Variants in RYR2 observed in about 807,000 individuals in gnomAD.
RYR2 encodes the protein ryanodine receptor 2, also known as cardiac muscle ryanodine receptor-calcium release channel.
A neutral mutation model predicts 601.1 loss-of-function variants in RYR2; 227 were observed. The observed-to-expected ratio is 0.38, with a 90% CI of 0.34 to 0.42. The LOEUF (loss-of-function observed/expected upper bound fraction) is 0.42. Among genes scored for constraint, RYR2 ranks in the 10% least tolerant of loss-of-function variants. The pLI is 1.00. For synonymous variants in RYR2, 2,223 were observed against 2,175.1 expected, an observed-to-expected ratio of 1.02 and a Z score of -0.61; for missense variants, 4,646 against 6,156.5, an observed-to-expected ratio of 0.75 and a Z score of 8.21.
chr1:237,337,814 TGA>T (rs1417973248), intron 3 of RYR2, among the ~76,000 whole-genome samples: 4 of 152,182 alleles, frequency 2.6e-5, no homozygotes, highest in African/African-American at 7.2e-5. Context: ...TTCAATTACC[TGA>T]AGCCCCTAGC....
Position 237,441,366 on chromosome 1 carries a change from A to G in RYR2, c.1053A>G (p.Thr351=), listed in dbSNP as rs187565743. The part of the protein sequence containing the change: ...GVRKEVDGMG[T]SEIKYGDSVC... ...GAAAAGAAGTAGATGGCATGGGAACATCTGAAATAAAATACGGTGACTCAG... is the reference window on the plus strand; with the variant it reads ...GAAAAGAAGTAGATGGCATGGGAACGTCTGAAATAAAATACGGTGACTCAG... Residue 351 remains threonine (T), a synonymous_variant, in exon 13 of 105, where the codon ACA becomes ACG. Coordinates refer to ENST00000366574, the MANE Select transcript of RYR2 (RefSeq NM_001035.3). 898 of 1,613,836 alleles carry G rather than the reference A, an allele frequency of 5.6e-4. 6 individuals are homozygous for G. The East Asian group carries it at 0.019, about 33-fold the overall frequency.
intron 27 of RYR2, chr1:237,555,271 T>A (rs979217968): frequency 9.9e-5 from 15 of 152,154 alleles, no homozygotes; most frequent in Non-Finnish European, 2.1e-4. Flanking sequence ...TTTCAAATAT[T>A]TGATTCAACT....
At position 237,610,151 on chromosome 1, in the gene RYR2, C is replaced by T. The variant is rs575858662; in HGVS notation, c.4684-611C>T. Among the ~76,000 whole-genome samples, 2 of 152,322 alleles carry T rather than the reference C, an allele frequency of 1.3e-5. No homozygotes were observed. The highest frequency in any genetic ancestry group is 4.1e-4 in the South Asian group (2 of 4,824). ...AACTTTTGGCAAAGCAGAGACCTCT[C>T]TTTCTTTGACACCAGACAGAAAGAA... On this transcript the variant is annotated intron_variant, in intron 35 of 104. Transcript: ENST00000366574. The surrounding 1 kb of genome is among the most constrained non-coding windows in gnomAD (Gnocchi z 4.9).
rs1212531379 is a variant in RYR2, at chr1:237,192,189, AC to A, written c.49-78307del. Among the ~76,000 whole-genome samples the A allele has an allele frequency of 1.1e-4, 16 of 151,882 alleles. 1 individual carries two copies. Among genetic ancestry groups the A allele is most frequent in the African/African-American group, 2.4e-4 (10 of 41,424 alleles). On this transcript the variant is annotated intron_variant, in intron 1 of 104. Coordinates refer to ENST00000366574, the MANE Select transcript of RYR2 (RefSeq NM_001035.3). ...TGCTTTCTCCAGAAAAAAAAAAAAAACATTTTCTTATTTTTTCAAAATTTTA... is the reference window on the plus strand; with the variant it reads ...TGCTTTCTCCAGAAAAAAAAAAAAAAATTTTCTTATTTTTTCAAAATTTTA...
intron 2 of RYR2, among the ~76,000 whole-genome samples, chr1:237,299,562 A>G (rs982777813): frequency 3.3e-5 from 5 of 152,182 alleles, no homozygotes; most frequent in Non-Finnish European, 7.3e-5. Flanking sequence ...TGAGACACCC[A>G]AGATGCTTTT....
At chr1:237,397,700 T>C (rs1287694893) in intron 10 of RYR2, among the ~76,000 whole-genome samples, 1 of 151,548 alleles carries the variant, frequency 6.6e-6, no homozygotes, top group Non-Finnish European at 1.5e-5. Context: ...GGCCTGGCCT[T>C]ACACCCTGTT....
intron 100 of RYR2, among the ~76,000 whole-genome samples, chr1:237,809,269 G>A (rs1279269010): frequency 1.3e-5 from 2 of 152,182 alleles, no homozygotes; most frequent in African/African-American, 4.8e-5. Flanking sequence ...GCTGAGTAAT[G>A]TACTTAGAAC....
intron 29 of RYR2, among the ~76,000 whole-genome samples, chr1:237,589,110 T>A (rs1176809658): frequency 6.6e-6 from 1 of 152,194 alleles, no homozygotes; most frequent in African/African-American, 2.4e-5. Flanking sequence ...AAACATAAGA[T>A]TATATATATA....
intron 2 of RYR2, among the ~76,000 whole-genome samples, chr1:237,312,931 A>G (rs1694717240): frequency 6.6e-6 from 1 of 152,204 alleles, no homozygotes. Flanking sequence ...TTTGAAGACC[A>G]TTAAAACAAA....
chr1:237,344,958 G>A (rs775185478), intron 3 of RYR2, among the ~76,000 whole-genome samples: 9 of 151,810 alleles, frequency 5.9e-5, no homozygotes, highest in African/African-American at 4.8e-5. Context: ...CTACAGGTGC[G>A]CACCACCACA....
chr1:237,445,583 T>C, intron 14 of RYR2, 61 bp downstream of exon 14: 1 of 1,593,308 alleles, frequency 6.3e-7, no homozygotes, highest in Non-Finnish European at 8.6e-7. Flanking sequence ...TTATTGGATA[T>C]GCAAATAGAC....
chr1:237,576,452 A>G (rs144729006), intron 29 of RYR2, among the ~76,000 whole-genome samples: 1 of 152,270 alleles, frequency 6.6e-6, no homozygotes, highest in East Asian at 1.9e-4. Context: ...TAGAACTGAT[A>G]TAGAAACAGA....
intron 28 of RYR2, 115 bp downstream of exon 28, chr1:237,566,890 A>G: frequency 9.5e-7 from 1 of 1,054,026 alleles, no homozygotes; most frequent in East Asian, 2.4e-5. Context: ...AACGTGGAAA[A>G]ATATTTCACA....
Position 237,704,831 on chromosome 1 carries a change from T to C in RYR2, c.9450-382T>C, listed in dbSNP as rs1031663351. ...ACTTTTTCTAAAATATCTACAAATA[T>C]AGATATTTTAACATAAGTCATCCAA... On this transcript the variant is annotated intron_variant, in intron 66 of 104. Transcript: ENST00000366574. Among the ~76,000 whole-genome samples the C allele has an allele frequency of 2.0e-5, 3 of 152,166 alleles. No homozygotes were observed. In the East Asian group the frequency reaches 5.8e-4, roughly 29 times the overall value.
In RYR2 at chr1:237,710,667, A is replaced by G. The variant is rs551146133; in HGVS notation, c.10231-1078A>G. 4.8e-5 allele frequency among the ~76,000 whole-genome samples: 7 copies of G among 146,890 alleles called. No individual in the cohort carries two copies. In the South Asian group the frequency reaches 1.3e-3, roughly 27 times the overall value. On this transcript the variant is annotated intron_variant, in intron 70 of 104. Transcript: ENST00000366574. Reference sequence around the variant, plus strand: ...AAGGTATTCTGAAGGAAAATTCAAAATCCACTGTAAAAAGATAAATAGATT... The same window carrying G: ...AAGGTATTCTGAAGGAAAATTCAAAGTCCACTGTAAAAAGATAAATAGATT...
intron 1 of RYR2, among the ~76,000 whole-genome samples, chr1:237,082,699 T>G (rs1665873305): frequency 6.6e-6 from 1 of 151,754 alleles, no homozygotes; most frequent in East Asian, 1.9e-4. Context: ...GCTTGTTAGT[T>G]TCTGTGAGTT....
chr1:237,428,752 A>C (rs1355279413), intron 12 of RYR2, among the ~76,000 whole-genome samples: 1 of 60,218 alleles, frequency 1.7e-5, no homozygotes, highest in Non-Finnish European at 2.7e-5. Context: ...TGTATCCTGG[A>C]ACATTAAAAA....
At chr1:237,772,280 G>A (rs138878717) in intron 86 of RYR2, among the ~76,000 whole-genome samples, 180 bp downstream of exon 86, 8 of 152,148 alleles carry the variant, frequency 5.3e-5, no homozygotes, top group East Asian at 3.8e-4. Flanking sequence ...GCTTCTGAAC[G>A]TGCCTCCTAC....
At chr1:237,324,620 T>C (rs973060474) in intron 2 of RYR2, among the ~76,000 whole-genome samples, 2 of 152,200 alleles carry the variant, frequency 1.3e-5, no homozygotes, top group Non-Finnish European at 2.9e-5. Flanking sequence ...CAGGTTATCA[T>C]GCATTGATTT....
Sources: allele counts gnomAD v4.1 joint callset (sites outside exome capture counted in the v4.1 genomes callset), GRCh38; gene constraint gnomAD v4.1.1; non-coding constraint Gnocchi (gnomAD v3.1); transcripts MANE v1.5; gene names NCBI Gene and HGNC (gene_info 2026-07-23, HGNC 2026-07-21).